PPFIA2: variants seen among roughly 807,000 people sequenced by gnomAD.
PPFIA2 encodes PPFI scaffold protein A2, also known as liprin-alpha-2.
PPFIA2 carries 46 observed loss-of-function variants against 175.5 expected under a neutral mutation model. The observed-to-expected ratio is 0.26, with a 90% CI of 0.21 to 0.34. The LOEUF (loss-of-function observed/expected upper bound fraction) is 0.34, where lower values mean the gene tolerates loss of function less well. PPFIA2 is among the 10% of genes least tolerant of loss of function. The pLI, the probability that PPFIA2 is intolerant of heterozygous loss-of-function variation, is 1.00. For synonymous variants in PPFIA2, 568 were observed against 511.4 expected (o/e 1.11, Z -1.49); for missense variants, 1,179 against 1,506.1 (o/e 0.78, Z 3.60).
At chr12:81,461,857 T>A (rs2054594168) in intron 4 of PPFIA2, among the ~76,000 whole-genome samples, 1 of 152,108 alleles carries the variant, frequency 6.6e-6, no homozygotes, top group Non-Finnish European at 1.5e-5. Context: ...TTAGCCTTCT[T>A]AATGCTTTAA....
At chr12:81,468,376 C>A (rs930950944) in intron 4 of PPFIA2, among the ~76,000 whole-genome samples, 1 of 152,164 alleles carries the variant, frequency 6.6e-6, no homozygotes, top group African/African-American at 2.4e-5. Flanking sequence ...GCCCAGTAAG[C>A]ATTGTAGTTA....
At chr12:81,368,651 T>C in intron 13 of PPFIA2, 74 bp downstream of exon 13, 1 of 1,394,052 alleles carries the variant, frequency 7.2e-7, no homozygotes. Flanking sequence ...ACCATTACAA[T>C]GATTGCAGCT....
At chr12:81,474,131 T>G (rs1261319961) in intron 4 of PPFIA2, among the ~76,000 whole-genome samples, 1 of 152,070 alleles carries the variant, frequency 6.6e-6, no homozygotes, top group Non-Finnish European at 1.5e-5. Context: ...CGTGTAGAAT[T>G]GTATTCTTTA....
intron 18 of PPFIA2, among the ~76,000 whole-genome samples, chr12:81,344,949 G>A (rs1318545970): frequency 4.6e-5 from 7 of 152,240 alleles, no homozygotes; most frequent in East Asian, 1.9e-4. Flanking sequence ...CACTGGATAC[G>A]AGGCATGGAC....
intron 8 of PPFIA2, among the ~76,000 whole-genome samples, chr12:81,397,801 C>A (rs1211771034): frequency 6.6e-6 from 1 of 152,014 alleles, no homozygotes; most frequent in Non-Finnish European, 1.5e-5. Flanking sequence ...TACAACCACT[C>A]CCTATCACTT....
intron 7 of PPFIA2, among the ~76,000 whole-genome samples, chr12:81,424,094 A>G (rs1407412543): frequency 6.6e-6 from 1 of 152,084 alleles, no homozygotes; most frequent in African/African-American, 2.4e-5. Flanking sequence ...GAAACCCCAT[A>G]CTCAACAATC....
chr12:81,569,137 A>T (rs2071964486), intron 4 of PPFIA2, among the ~76,000 whole-genome samples: 2 of 152,290 alleles, frequency 1.3e-5, no homozygotes, highest in South Asian at 4.1e-4. Flanking sequence ...ATTGCTGAAA[A>T]TTTAAAGTAG....
intron 4 of PPFIA2, among the ~76,000 whole-genome samples, chr12:81,479,778 G>A (rs1322576695): frequency 6.6e-6 from 1 of 152,008 alleles, no homozygotes; most frequent in African/African-American, 2.4e-5. Context: ...GAGATCCGTG[G>A]TTAGTCTGAT....
chr12:81,299,818 T>C (rs1257458359), intron 22 of PPFIA2, among the ~76,000 whole-genome samples: 3 of 152,148 alleles, frequency 2.0e-5, no homozygotes, highest in Non-Finnish European at 4.4e-5. Flanking sequence ...AGGCAGAAGA[T>C]AAATTTGGTC....
In PPFIA2 at chr12:81,451,994, CA is replaced by C. The variant is rs1253756166; in HGVS notation, c.405+5770del. 2.0e-5 allele frequency among the ~76,000 whole-genome samples: 3 copies of C among 152,238 alleles called. No homozygotes were observed. In the East Asian group the frequency reaches 5.8e-4, roughly 29 times the overall value. On this transcript the variant is annotated intron_variant, in intron 5 of 32. Transcript: ENST00000549396. ...CAAATGGAACTCTCTTTGGTATACTCAAAGGATTGTAGAGACTATGTGAATG... is the reference window on the plus strand; with the variant it reads ...CAAATGGAACTCTCTTTGGTATACTCAAGGATTGTAGAGACTATGTGAATG...
chr12:81,695,739 T>C (rs1436961148), intron 3 of PPFIA2, among the ~76,000 whole-genome samples: 1 of 152,164 alleles, frequency 6.6e-6, no homozygotes, highest in East Asian at 1.9e-4. Flanking sequence ...AAAATAAAAA[T>C]ATAGTTTCAT....
At chr12:81,704,498 G>A (rs1004556611) in intron 3 of PPFIA2, among the ~76,000 whole-genome samples, 11 of 152,022 alleles carry the variant, frequency 7.2e-5, no homozygotes, top group Non-Finnish European at 1.5e-4. Flanking sequence ...TGTGAAATAT[G>A]TAATAAAACT....
chr12:81,308,137 G>A (rs920144369), intron 22 of PPFIA2, among the ~76,000 whole-genome samples: 1 of 152,096 alleles, frequency 6.6e-6, no homozygotes, highest in African/African-American at 2.4e-5. Flanking sequence ...TACAGTAAGT[G>A]CTATAATTGA....
Position 81,650,507 on chromosome 12 carries a change from C to A in PPFIA2, c.303+26284G>T, listed in dbSNP as rs11611473. On this transcript the variant is annotated intron_variant, in intron 4 of 32. Coordinates refer to ENST00000549396, the MANE Select transcript of PPFIA2 (RefSeq NM_003625.5). ...TCCCTAATGCATAAGAGCAAATCTA[C>A]CATGTATAGACTTATATCCTATAGG... is the stretch of plus-strand genomic sequence containing the variant. Among the ~76,000 whole-genome samples the A allele has an allele frequency of 4.7e-3, 707 of 151,886 alleles. 1 individual carries two copies. The highest frequency in any genetic ancestry group is 8.5e-3 in the Admixed American group (129 of 15,262).
chr12:81,293,430 T>G (rs1337819736), intron 24 of PPFIA2, among the ~76,000 whole-genome samples: 1 of 152,042 alleles, frequency 6.6e-6, no homozygotes, highest in Admixed American at 6.6e-5. Context: ...AGATATTCCA[T>G]TTGGTATCTG....
At chr12:81,755,157 T>C (rs546722404) in intron 2 of PPFIA2, among the ~76,000 whole-genome samples, 36 of 152,310 alleles carry the variant, frequency 2.4e-4, no homozygotes, top group African/African-American at 7.5e-4. Flanking sequence ...TTCTCAGTCA[T>C]GAAATAAACG....
At chr12:81,692,477 T>C (rs2075370647) in intron 3 of PPFIA2, among the ~76,000 whole-genome samples, 1 of 152,146 alleles carries the variant, frequency 6.6e-6, no homozygotes, top group African/African-American at 2.4e-5. Context: ...GAGTCAATAT[T>C]CATATATTTC....
intron 4 of PPFIA2, among the ~76,000 whole-genome samples, chr12:81,556,757 A>C (rs2068943055): frequency 6.6e-6 from 1 of 151,940 alleles, no homozygotes; most frequent in African/African-American, 2.4e-5. Context: ...GAAATTCCAC[A>C]TATGGCCTAA....
At chr12:81,595,642 T>G (rs915979836) in intron 4 of PPFIA2, among the ~76,000 whole-genome samples, 7 of 152,180 alleles carry the variant, frequency 4.6e-5, no homozygotes, top group African/African-American at 1.7e-4. Flanking sequence ...CACAGAAGTA[T>G]GAATGTGTTT....
Sources: gnomAD v4.1 joint callset for allele counts (sites outside exome capture counted in the v4.1 genomes callset) on GRCh38, gnomAD v4.1.1 for gene constraint, MANE v1.5 for transcripts, NCBI Gene and HGNC (gene_info 2026-07-23, HGNC 2026-07-21) for gene names.